Variants in AARS2 observed in about 807,000 individuals in gnomAD.
AARS2 encodes alanine--tRNA ligase, mitochondrial.
AARS2 carries 78 observed loss-of-function variants against 119.7 expected under a neutral mutation model. The observed-to-expected ratio is 0.65, with a 90% CI of 0.54 to 0.79. AARS2 has a LOEUF of 0.79. AARS2 is among the 30% of genes least tolerant of loss of function. AARS2 has a pLI of 0.00. For missense variants in AARS2, 1,157 were observed against 1,291.3 expected, an observed-to-expected ratio of 0.90 and a Z score of 1.59; for synonymous variants, 502 against 526.3, an observed-to-expected ratio of 0.95 and a Z score of 0.63.
In AARS2 at chr6:44,300,634, T is replaced by C. The variant is rs325008; in HGVS notation, c.2871A>G (p.Ser957=). The C allele has an allele frequency of 0.96, 1,541,558 of 1,613,886 alleles. 739,691 individuals are homozygous for C. Among genetic ancestry groups the C allele is most frequent in the East Asian group, 1 (44,808 of 44,860 alleles). The stretch of plus-strand genomic sequence containing the variant: ...TTCCGGTGCCTTGGGCCACCACTCG[T>C]GAGCCCCACGCCTTGCCCCCCATGT... The part of the protein sequence containing the change: ...CSHMGGKAWG[S]RVVAQGTGST... Residue 957 remains serine, a synonymous_variant, in exon 22 of 22, where the codon TCA becomes TCG. Coordinates refer to ENST00000244571, the MANE Select transcript of AARS2 (RefSeq NM_020745.4).
chr6:44,303,415 C>T lies in AARS2; in HGVS notation c.2016G>A (p.Leu672=), dbSNP rs767513258. Residue 672 remains leucine, a synonymous_variant, in exon 15 of 22, where the codon TTG becomes TTA. Transcript: ENST00000244571. The part of the protein sequence containing the change: ...LRLDVTTQTP[L]TPEQLRAVEN... ...CCACTGCCCGGAGCTGCTCTGGGGT[C>T]AATGGGGTCTGGAGGGGTGGGGAGG... 6.2e-7 allele frequency: 1 copy of T among 1,613,974 alleles called. No homozygotes were observed. Among genetic ancestry groups the T allele is most frequent in the Non-Finnish European group, 8.5e-7 (1 of 1,180,014 alleles).
chr6:44,302,126 C>T lies in AARS2; in HGVS notation c.2532G>A (p.Leu844=). ...AVMPQWQRRE[L]LATVKMLQRR... is the part of the protein sequence containing the mutation. ...GCTGCAGCATCTTCACTGTGGCCAGCAGCTCCCGCCGCTGCCACTGGGGCA... is the reference window on the plus strand; with the variant it reads ...GCTGCAGCATCTTCACTGTGGCCAGTAGCTCCCGCCGCTGCCACTGGGGCA... Residue 844 remains leucine, a synonymous_variant, in exon 19 of 22, where the codon CTG becomes CTA. Coordinates refer to ENST00000244571, the MANE Select transcript of AARS2 (RefSeq NM_020745.4). 1.2e-6 allele frequency: 2 copies of T among 1,613,110 alleles called. No homozygotes were observed. Among genetic ancestry groups the T allele is most frequent in the Non-Finnish European group, 1.7e-6 (2 of 1,179,974 alleles).
intron 5 of AARS2, among the ~76,000 whole-genome samples, chr6:44,309,322 A>C (rs555045662): frequency 5.3e-5 from 8 of 152,290 alleles, no homozygotes. Flanking sequence ...CTCACCACAG[A>C]TGGATGAATG....
intron 16 of AARS2, 70 bp downstream of exon 16, chr6:44,302,995 TG>T: frequency 6.2e-7 from 1 of 1,605,800 alleles, no homozygotes; most frequent in Non-Finnish European, 8.5e-7. Flanking sequence ...TAAGGGCTGA[TG>T]GCTCCAAAGA....
chr6:44,311,667 A>G, intron 2 of AARS2, 132 bp from the exon 3 acceptor site: 1 of 1,152,330 alleles, frequency 8.7e-7, no homozygotes, highest in Non-Finnish European at 1.2e-6. Context: ...TGTTCCCAGA[A>G]TAAGCCATGA....
chr6:44,301,863 G>C (rs923056748), intron 19 of AARS2, among the ~76,000 whole-genome samples, 197 bp downstream of exon 19: 3 of 152,146 alleles, frequency 2.0e-5, no homozygotes, highest in African/African-American at 7.2e-5. Context: ...TGGGAGTTGG[G>C]GGAGAAACAC....
rs977837598 is a variant in AARS2, at chr6:44,300,307, A to T, written c.*240T>A. On this transcript the variant is annotated 3_prime_UTR_variant, in exon 22 of 22. Transcript: ENST00000244571. The stretch of plus-strand genomic sequence containing the variant: ...GAAATAATTTCTAATGTGCAGTCAC[A>T]GCCATAATTGTCCATGTCTTCTCTT... 1 of 591,220 alleles carries T rather than the reference A, an allele frequency of 1.7e-6. No homozygotes were observed. Among genetic ancestry groups the T allele is most frequent in the East Asian group, 2.9e-5 (1 of 34,624 alleles). The allele number at this position is 591,220 out of a possible 1,614,324, so 36.6% of individuals were successfully genotyped here.
intron 7 of AARS2, 60 bp downstream of exon 7, chr6:44,306,863 G>A: frequency 6.6e-7 from 1 of 1,514,656 alleles, no homozygotes; most frequent in Non-Finnish European, 9.2e-7. Flanking sequence ...TCTAGGCTCA[G>A]TGGTAGGCTC....
chr6:44,308,969 A>T (rs746369509), intron 5 of AARS2, among the ~76,000 whole-genome samples: 7 of 152,124 alleles, frequency 4.6e-5, no homozygotes, highest in Non-Finnish European at 8.8e-5. Flanking sequence ...ACAAGACTGG[A>T]TTCTGCCTTC....
chr6:44,303,938 C>G (rs2153354274), intron 14 of AARS2, among the ~76,000 whole-genome samples: 1 of 152,234 alleles, frequency 6.6e-6, no homozygotes, highest in South Asian at 2.1e-4. Flanking sequence ...AGGGAAGGCC[C>G]CTGCTGGAGG....
intron 21 of AARS2, 122 bp from the exon 22 acceptor site, chr6:44,300,833 T>A: frequency 7.8e-7 from 1 of 1,290,140 alleles, no homozygotes; most frequent in Non-Finnish European, 1.1e-6. Flanking sequence ...GGGCACATGG[T>A]GGGGCAGTCA....
rs751438141 is a variant in AARS2, at chr6:44,305,031, C to T, written c.1579+23G>A. ...TCATGGTCAGGCAAGCTTGTGGCGG[C>T]AGGCCTTGGTCCAGGCTCTCACCAT... On this transcript the variant is annotated intron_variant, in intron 11 of 21. Transcript: ENST00000244571. This position sits in a 1 kb window ranked among gnomAD's most constrained non-coding sequence, Gnocchi z 4.6. The T allele has an allele frequency of 6.2e-7, 1 of 1,614,036 alleles. No homozygotes were observed. Among genetic ancestry groups the T allele is most frequent in the Non-Finnish European group, 8.5e-7 (1 of 1,180,010 alleles).
At position 44,310,292 on chromosome 6, in the gene AARS2, C is replaced by T. The variant is rs1196102032; in HGVS notation, c.894+7G>A. 2 of 1,588,230 alleles carry T rather than the reference C, an allele frequency of 1.3e-6. No homozygotes were observed. Among genetic ancestry groups the T allele is most frequent in the Admixed American group, 3.6e-5 (2 of 55,252 alleles). Reference sequence around the variant, plus strand: ...TAGAGGGCTTCTGGAAGGGAAGAGGCACTCACCTGCTGTATGGCGTTGAGC... The same window carrying T: ...TAGAGGGCTTCTGGAAGGGAAGAGGTACTCACCTGCTGTATGGCGTTGAGC... On this transcript the variant is annotated splice_region_variant and intron_variant, in intron 5 of 21. Transcript: ENST00000244571.
In AARS2 at chr6:44,300,386, C is replaced by A. The variant is rs953179272; in HGVS notation, c.*161G>T. 9.0e-6 allele frequency: 9 copies of A among 1,003,972 alleles called. No individual in the cohort carries two copies. The African/African-American group carries it at 1.1e-4, about 12-fold the overall frequency. 62.2% of individuals were successfully genotyped at this position (1,003,972 alleles called of 1,614,324 possible). A position where few individuals can be genotyped will look rare whatever the true frequency, so the allele number is the denominator to read the frequency against. On this transcript the variant is annotated 3_prime_UTR_variant, in exon 22 of 22. Transcript: ENST00000244571. Reference sequence around the variant, plus strand: ...CAGTTCTGCCTTCCCTAGCCCATGTCTCCTTGTGTCACGTAGGCCCTGGCC... The same window carrying A: ...CAGTTCTGCCTTCCCTAGCCCATGTATCCTTGTGTCACGTAGGCCCTGGCC...
rs371496896 is a variant in AARS2 at position 44,302,690 on chromosome 6, C to T, written c.2364+112G>A. ...TAGCTGATATGGCCACATTGGTGTC[C>T]AAGTATGAACACTGGCTCTGCTGCT... On this transcript the variant is annotated intron_variant, in intron 17 of 21. Transcript: ENST00000244571. 1.6e-5 allele frequency: 23 copies of T among 1,450,480 alleles called. No individual in the cohort carries two copies. In the East Asian group the frequency reaches 1.9e-4, roughly 12 times the overall value. 89.9% of individuals were successfully genotyped at this position (1,450,480 alleles called of 1,614,324 possible).
At chr6:44,310,253 T>C (rs1054636488) in intron 5 of AARS2, 46 bp downstream of exon 5, 2 of 1,555,798 alleles carry the variant, frequency 1.3e-6, no homozygotes, top group African/African-American at 2.7e-5. Context: ...GGCTGAGGGC[T>C]GTGAAGAGCA....
Position 44,304,913 on chromosome 6 carries a change from G to T in AARS2, c.1580-96C>A, listed in dbSNP as rs1019335814. On this transcript the variant is annotated intron_variant, in intron 11 of 21. Coordinates refer to ENST00000244571, the MANE Select transcript of AARS2 (RefSeq NM_020745.4). ...GGCCAACAAGCACCCCCGCTGGCAG[G>T]GGCACTTCCAGCTGGGGGCCACAGA... The T allele has an allele frequency of 2.5e-6, 4 of 1,605,168 alleles. No homozygotes were observed. In the African/African-American group the frequency reaches 4.0e-5, roughly 16 times the overall value.
rs1384291229 is a variant in AARS2 at position 44,306,328 on chromosome 6, T to C, written c.1252A>G (p.Ile418Val). 6.2e-7 allele frequency: 1 copy of C among 1,614,064 alleles called. No homozygotes were observed. The highest frequency in any genetic ancestry group is 1.1e-5 in the South Asian group (1 of 91,080). Reference protein sequence around the residue: ...FLASLERGRRIIDRTLRTLGP... With the variant: ...FLASLERGRRVIDRTLRTLGP... ...AGGGTCCTCAGAGTCCGATCAATGA[T>C]CCGCCTACCCCGCTCCAGGGAGGCC... Residue 418 changes from isoleucine to valine, a missense_variant, in exon 9 of 22, where the codon ATC becomes GTC. By Grantham distance (29) the Ile-to-Val change is conservative (BLOSUM62 3). Transcript: ENST00000244571.
intron 21 of AARS2, 163 bp downstream of exon 21, chr6:44,300,993 G>A: frequency 1.3e-6 from 1 of 778,022 alleles, no homozygotes; most frequent in Non-Finnish European, 2.0e-6. Context: ...GGGAGGGGCT[G>A]TTTTCAGGAA....
Sources: gnomAD v4.1 joint callset for allele counts (sites outside exome capture counted in the v4.1 genomes callset) on GRCh38, gnomAD v4.1.1 for gene constraint, Gnocchi (gnomAD v3.1) non-coding constraint, MANE v1.5 for transcripts, NCBI Gene and HGNC (gene_info 2026-07-23, HGNC 2026-07-21) for gene names.